Variants in PLCG2 observed in about 807,000 individuals in gnomAD.
The protein encoded by PLCG2 is phospholipase C gamma 2.
PLCG2 carries 69 observed loss-of-function variants against 175.6 expected under a neutral mutation model. The ratio of observed to expected loss-of-function variants is 0.39; its 90% CI spans 0.32 to 0.48. The LOEUF is 0.48. PLCG2 is among the 20% of genes least tolerant of loss of function. The pLI is 0.91. For missense variants in PLCG2, 1,798 were observed against 1,650.9 expected (o/e 1.09, Z -1.54); for synonymous variants, 827 against 624.0 (o/e 1.33, Z -4.85).
intron 2 of PLCG2, among the ~76,000 whole-genome samples, chr16:81,788,324 A>T (rs920906596): frequency 2.6e-5 from 4 of 152,194 alleles, no homozygotes; most frequent in South Asian, 2.1e-4. Context: ...TCTGTTGCCC[A>T]GGCTGGAGTG....
At chr16:81,740,255 C>T (rs1292910096) in intron 1 of PLCG2, 2 of 152,106 alleles carry the variant, frequency 1.3e-5, no homozygotes, top group African/African-American at 4.8e-5. Flanking sequence ...TACTGTCTTC[C>T]TTAGGAAGCT....
At chr16:81,950,998 T>G (rs546006730) in intron 31 of PLCG2, among the ~76,000 whole-genome samples, 37 of 149,674 alleles carry the variant, frequency 2.5e-4, no homozygotes, top group African/African-American at 9.2e-4. Flanking sequence ...AAGGCCAAAT[T>G]TTGTTTTGAG....
At chr16:81,873,490 T>C (rs1907618001) in intron 7 of PLCG2, among the ~76,000 whole-genome samples, 1 of 152,220 alleles carries the variant, frequency 6.6e-6, no homozygotes, top group South Asian at 2.1e-4. Flanking sequence ...GATTGTCATC[T>C]TATGCAATTG....
In PLCG2 at chr16:81,748,835, C is replaced by T. The variant is rs1345451499; in HGVS notation, c.-144-7035C>T. Among the ~76,000 whole-genome samples the T allele has an allele frequency of 2.0e-5, 3 of 152,232 alleles. No individual in the cohort carries two copies. The East Asian group carries it at 5.8e-4, about 29-fold the overall frequency. On this transcript the variant is annotated intron_variant, in intron 1 of 5. Coordinates refer to the PLCG2 transcript ENST00000565054. ...ACCCTGTGAACCAGTTAGGTTTTAT[C>T]GGGCACATTTGACAGATTAGGAAAA...
At chr16:81,771,196 T>G (rs1567455043) in intron 2 of PLCG2, among the ~76,000 whole-genome samples, 1 of 152,320 alleles carries the variant, frequency 6.6e-6, no homozygotes, top group African/African-American at 2.4e-5. Flanking sequence ...TCCTTCCTTC[T>G]GCTGCCTCCA....
intron 13 of PLCG2, among the ~76,000 whole-genome samples, chr16:81,899,591 A>G (rs1041292297): frequency 1.3e-5 from 2 of 152,100 alleles, no homozygotes; most frequent in Non-Finnish European, 2.9e-5. Flanking sequence ...TGAAAGCTTC[A>G]ACAAGTGTCC....
chr16:81,752,738 C>T (rs749086957), intron 1 of PLCG2, among the ~76,000 whole-genome samples: 15 of 152,332 alleles, frequency 9.8e-5, no homozygotes, highest in Middle Eastern at 6.8e-3. Context: ...ACTCCTTGCA[C>T]GGCCAGGGCC....
chr16:81,741,336 C>T (rs1909589969), intron 1 of PLCG2, among the ~76,000 whole-genome samples: 1 of 152,200 alleles, frequency 6.6e-6, no homozygotes, highest in Non-Finnish European at 1.5e-5. Flanking sequence ...CTCACACAGC[C>T]AGGAAGTAGA....
chr16:81,823,382 C>T (rs1216200633), intron 2 of PLCG2, among the ~76,000 whole-genome samples: 1 of 152,216 alleles, frequency 6.6e-6, no homozygotes, highest in Non-Finnish European at 1.5e-5. Context: ...TGGCCAGTCC[C>T]TGAAATGCTG....
At chr16:81,871,693 T>C (rs1907524116) in intron 7 of PLCG2, among the ~76,000 whole-genome samples, 1 of 152,156 alleles carries the variant, frequency 6.6e-6, no homozygotes, top group Non-Finnish European at 1.5e-5. Flanking sequence ...ATTAAAATAA[T>C]AGACTATTTA....
intron 27 of PLCG2, among the ~76,000 whole-genome samples, chr16:81,936,961 C>CATT (rs1555522312): frequency 6.6e-6 from 1 of 152,170 alleles, no homozygotes; most frequent in Non-Finnish European, 1.5e-5. Flanking sequence ...AGGTATTCCC[C>CATT]ATTATTTGCT....
At chr16:81,877,207 C>T (rs528506592) in intron 7 of PLCG2, among the ~76,000 whole-genome samples, 2 of 152,326 alleles carry the variant, frequency 1.3e-5, no homozygotes, top group South Asian at 2.1e-4. Context: ...GTAATCCCAG[C>T]ACTTTGGGAG....
chr16:81,846,691 T>A (rs12918716), intron 2 of PLCG2, among the ~76,000 whole-genome samples: 44,560 of 152,024 alleles, frequency 0.29, 7,296 homozygotes, highest in Non-Finnish European at 0.38. Context: ...TTTCAAGATA[T>A]CAGTTCTTCC....
At chr16:81,929,476 A>T (rs1395358843) in intron 24 of PLCG2, among the ~76,000 whole-genome samples, 6 of 152,088 alleles carry the variant, frequency 3.9e-5, no homozygotes, top group African/African-American at 1.2e-4. Flanking sequence ...GCTCACTGCA[A>T]CCTCTGCCTC....
chr16:81,945,520 C>T (rs12921780), intron 30 of PLCG2, among the ~76,000 whole-genome samples: 33,117 of 152,168 alleles, frequency 0.22, 4,159 homozygotes, highest in African/African-American at 0.35. Flanking sequence ...TTCTTTTATA[C>T]TAAAACAAGC....
At position 81,824,190 on chromosome 16, in the gene PLCG2, A is replaced by C. The variant is rs111602780; in HGVS notation, c.194-30254A>C. Among the ~76,000 whole-genome samples, 49 of 149,874 alleles carry C rather than the reference A, an allele frequency of 3.3e-4. 1 individual carries two copies. Among genetic ancestry groups the C allele is most frequent in the Non-Finnish European group, 1.9e-4 (13 of 67,700 alleles). On this transcript the variant is annotated intron_variant, in intron 2 of 32. Transcript: ENST00000564138. Reference sequence around the variant, plus strand: ...CTCTTGTCACCCAGGCTGGAGTGCAATGGCGTGATCTCAGCTCACCGCAAC... The same window carrying C: ...CTCTTGTCACCCAGGCTGGAGTGCACTGGCGTGATCTCAGCTCACCGCAAC...
intron 2 of PLCG2, among the ~76,000 whole-genome samples, chr16:81,827,888 C>G (rs564202727): frequency 5.3e-5 from 8 of 152,080 alleles, no homozygotes; most frequent in Non-Finnish European, 4.4e-5. Context: ...GTCGGGAGTT[C>G]AAGTCCAACC....
At chr16:81,860,207 C>G (rs1024079213) in intron 5 of PLCG2, among the ~76,000 whole-genome samples, 4 of 139,738 alleles carry the variant, frequency 2.9e-5, no homozygotes, top group South Asian at 2.3e-4. Flanking sequence ...AAGTCTTACC[C>G]AGACATTTTT....
intron 16 of PLCG2, 31 bp downstream of exon 16, chr16:81,907,805 A>G: frequency 1.3e-6 from 2 of 1,538,814 alleles, no homozygotes; most frequent in Non-Finnish European, 1.8e-6. Flanking sequence ...CATAGGGAGG[A>G]GGTCCCCAGG....
Sources: gnomAD v4.1 joint callset for allele counts (sites outside exome capture counted in the v4.1 genomes callset) on GRCh38, gnomAD v4.1.1 for gene constraint, MANE v1.5 for transcripts, NCBI Gene and HGNC (gene_info 2026-07-23, HGNC 2026-07-21) for gene names.